The following MAGI1 variants were observed in gnomAD, a reference collection of about 807,000 sequenced individuals.
The protein encoded by MAGI1 is membrane-associated guanylate kinase, WW and PDZ domain-containing protein 1.
In MAGI1, 58 loss-of-function variants were observed where a neutral mutation model predicts 139.9. That is an observed-to-expected ratio of 0.41 (90% CI 0.34 to 0.52). The LOEUF (loss-of-function observed/expected upper bound fraction) is 0.52, where lower values mean the gene tolerates loss of function less well. MAGI1 is among the 20% of genes least tolerant of loss of function. The pLI is 0.12. For synonymous variants in MAGI1, 812 were observed against 737.9 expected (o/e 1.10, Z -1.63); for missense variants, 1,874 against 1,901.6 (o/e 0.99, Z 0.27).
chr3:65,763,734 A>C (rs1444129840), intron 1 of MAGI1, among the ~76,000 whole-genome samples: 1 of 151,866 alleles, frequency 6.6e-6, no homozygotes, highest in African/African-American at 2.4e-5. Context: ...GGCATATTTC[A>C]TATCGCACAA....
chr3:65,633,025 T>A (rs1347300285), intron 1 of MAGI1, among the ~76,000 whole-genome samples: 2 of 152,204 alleles, frequency 1.3e-5, no homozygotes, highest in Non-Finnish European at 2.9e-5. Flanking sequence ...CAGGACTTGA[T>A]AGAATTAGAA....
In MAGI1 at chr3:65,375,917, T is replaced by C. The variant is rs1339290801; in HGVS notation, c.3024A>G (p.Lys1008=). Reference sequence around the variant, plus strand: ...GGCTCCCCTCAATAATCCGACCTATTTTGTGAGGCATAGCCACACATGCAT... The same window carrying C: ...GGCTCCCCTCAATAATCCGACCTATCTTGTGAGGCATAGCCACACATGCAT... ...FGNACVAMPH[K]IGRIIEGSPA... is the part of the protein sequence containing the mutation. The change falls in exon 18 of 23, where the codon AAA becomes AAG. Residue 1008 remains lysine, a synonymous_variant. Coordinates refer to ENST00000402939, the MANE Select transcript of MAGI1 (RefSeq NM_001033057.2). The C allele has an allele frequency of 1.7e-5, 27 of 1,613,990 alleles. No individual in the cohort carries two copies. The Admixed American group carries it at 3.7e-4, about 22-fold the overall frequency.
rs982712802 is a variant in MAGI1 at position 65,580,308 on chromosome 3, C to G, written c.430+41664G>C. 5.0e-5 allele frequency among the ~76,000 whole-genome samples: 6 copies of G among 120,674 alleles called. No individual in the cohort carries two copies. The East Asian group carries it at 1.1e-3, about 23-fold the overall frequency. 79.2% of individuals were successfully genotyped at this position (120,674 alleles called of 152,430 possible). ...TTGTATCCCATTTGGTTTGTCTTTT[C>G]TTTTTTCTCCTTTTTTTTTTCTTGG... is the stretch of plus-strand genomic sequence containing the variant. On this transcript the variant is annotated intron_variant, in intron 2 of 22. Transcript: ENST00000402939.
At chr3:65,907,978 G>A (rs1387517674) in intron 1 of MAGI1, among the ~76,000 whole-genome samples, 1 of 152,030 alleles carries the variant, frequency 6.6e-6, no homozygotes, top group Non-Finnish European at 1.5e-5. Flanking sequence ...TCTCTCTAGT[G>A]CTTATGATTA....
intron 1 of MAGI1, among the ~76,000 whole-genome samples, chr3:65,735,355 A>T (rs1279891717): frequency 1.4e-5 from 1 of 72,298 alleles, no homozygotes; most frequent in Admixed American, 1.4e-4. Flanking sequence ...GTGTGTCTGC[A>T]CGTGTGTGTG....
At chr3:65,650,014 T>A in intron 1 of MAGI1, among the ~76,000 whole-genome samples, 1 of 152,170 alleles carries the variant, frequency 6.6e-6, no homozygotes. Context: ...TTGCCAAAAA[T>A]CATGTTTTGG....
At chr3:65,366,058 T>C (rs1270063698) in intron 18 of MAGI1, among the ~76,000 whole-genome samples, 8 of 152,186 alleles carry the variant, frequency 5.3e-5, no homozygotes, top group African/African-American at 1.9e-4. Flanking sequence ...GATTCAGACC[T>C]GGGATCAAAT....
chr3:65,550,895 T>A (rs1468410344), intron 2 of MAGI1, among the ~76,000 whole-genome samples: 1 of 152,084 alleles, frequency 6.6e-6, no homozygotes. Flanking sequence ...TGCATGGGCC[T>A]AGGAGTCTGA....
intron 2 of MAGI1, among the ~76,000 whole-genome samples, chr3:65,590,106 G>A (rs995482754): frequency 1.3e-5 from 2 of 152,012 alleles, no homozygotes; most frequent in African/African-American, 2.4e-5. Flanking sequence ...CCTTTAAAAC[G>A]CATCACCAGT....
At chr3:65,464,160 G>C (rs1950012060) in intron 5 of MAGI1, among the ~76,000 whole-genome samples, 1 of 151,910 alleles carries the variant, frequency 6.6e-6, no homozygotes, top group African/African-American at 2.4e-5. Flanking sequence ...TCTTATTAGA[G>C]GTTCTTCAAT....
At chr3:65,570,097 T>G (rs2080883853) in intron 2 of MAGI1, among the ~76,000 whole-genome samples, 1 of 146,786 alleles carries the variant, frequency 6.8e-6, no homozygotes, top group African/African-American at 2.5e-5. Context: ...TTATTATTAT[T>G]ATTATTATTA....
intron 12 of MAGI1, among the ~76,000 whole-genome samples, chr3:65,420,119 C>T (rs569317815): frequency 1.3e-5 from 2 of 151,924 alleles, no homozygotes; most frequent in Non-Finnish European, 1.5e-5. Context: ...ATATATATGC[C>T]ACAGGGACTA....
intron 1 of MAGI1, among the ~76,000 whole-genome samples, chr3:65,937,766 A>G (rs1384153692): frequency 6.6e-6 from 1 of 152,080 alleles, no homozygotes; most frequent in Non-Finnish European, 1.5e-5. Flanking sequence ...TTGACACCAA[A>G]AAAAGGGAAA....
chr3:65,798,404 A>G (rs74953640), intron 1 of MAGI1, among the ~76,000 whole-genome samples: 1,632 of 152,256 alleles, frequency 0.011, 33 homozygotes, highest in African/African-American at 0.037. Flanking sequence ...CCCGGGAAAC[A>G]TAAGTCATCA....
At chr3:65,563,504 G>A (rs1421790495) in intron 2 of MAGI1, among the ~76,000 whole-genome samples, 1 of 152,134 alleles carries the variant, frequency 6.6e-6, no homozygotes, top group Non-Finnish European at 1.5e-5. Context: ...TCTGTCTTTG[G>A]TCTTTTGTTC....
At chr3:65,480,585 C>CTG (rs1307828219) in intron 3 of MAGI1, among the ~76,000 whole-genome samples, 56 of 99,072 alleles carry the variant, frequency 5.7e-4, no homozygotes, top group African/African-American at 1.9e-3. Context: ...AATAAGGTTT[C>CTG]TTTTTTTTTT....
At chr3:65,900,954 A>G (rs568248826) in intron 1 of MAGI1, among the ~76,000 whole-genome samples, 4 of 152,340 alleles carry the variant, frequency 2.6e-5, no homozygotes, top group Non-Finnish European at 4.4e-5. Flanking sequence ...TTGAGAGAAC[A>G]GAAGAATGAA....
chr3:65,604,774 G>A (rs1274172505), intron 2 of MAGI1, among the ~76,000 whole-genome samples: 1 of 151,040 alleles, frequency 6.6e-6, no homozygotes, highest in African/African-American at 2.4e-5. Flanking sequence ...GCTTTTATTA[G>A]TCAACTGGAA....
At chr3:66,019,342 G>A (rs2067841968) in intron 1 of MAGI1, among the ~76,000 whole-genome samples, 2 of 152,198 alleles carry the variant, frequency 1.3e-5, no homozygotes, top group South Asian at 2.1e-4. Context: ...ACAGTACCCC[G>A]ACCCCTACCC....
Sources: allele counts gnomAD v4.1 joint callset (sites outside exome capture counted in the v4.1 genomes callset), GRCh38; gene constraint gnomAD v4.1.1; transcripts MANE v1.5; gene names NCBI Gene and HGNC (gene_info 2026-07-23, HGNC 2026-07-21).